The following SUFU variants were observed in gnomAD, a reference collection of about 807,000 sequenced individuals.
SUFU encodes SUFU negative regulator of hedgehog signaling.
SUFU carries 7 observed loss-of-function variants against 58.9 expected under a neutral mutation model. The observed-to-expected ratio is 0.12, with a 90% CI of 0.07 to 0.22. SUFU has a LOEUF of 0.22. SUFU is among the 10% of genes least tolerant of loss of function. The probability of loss-of-function intolerance (pLI) is 1.00; values close to 1 mark genes in which losing one functional copy is unlikely to be tolerated. For synonymous variants in SUFU, 232 were observed against 254.8 expected (o/e 0.91, Z 0.85); for missense variants, 451 against 641.3 (o/e 0.70, Z 3.20).
In SUFU at chr10:102,619,777, G is replaced by T. The variant is rs983201174; in HGVS notation, c.1296+2349G>T. On this transcript the variant is annotated intron_variant, in intron 10 of 11. Transcript: ENST00000369902. This position sits in a 1 kb window ranked among gnomAD's most constrained non-coding sequence, Gnocchi z 4.2. ...GTGGTCACAGGCAGCTCCCTTGCTT[G>T]TGGGAACCTGGGCTTGTAATTACTT... Among the ~76,000 whole-genome samples, 2 of 152,188 alleles carry T rather than the reference G, an allele frequency of 1.3e-5. No homozygotes were observed. The highest frequency in any genetic ancestry group is 4.8e-5 in the African/African-American group (2 of 41,452).
At chr10:102,559,668 A>G (rs760006811) in intron 3 of SUFU, among the ~76,000 whole-genome samples, 2 of 151,892 alleles carry the variant, frequency 1.3e-5, no homozygotes, top group African/African-American at 2.4e-5. Flanking sequence ...TTCTTTTCAG[A>G]TTGCCAGTTA....
At chr10:102,586,929 G>C (rs1381529658) in intron 3 of SUFU, among the ~76,000 whole-genome samples, 5 of 152,134 alleles carry the variant, frequency 3.3e-5, no homozygotes, top group African/African-American at 1.2e-4. Flanking sequence ...CCTACCCTAG[G>C]TACTTCATGT....
intron 3 of SUFU, among the ~76,000 whole-genome samples, chr10:102,588,332 G>T (rs921154670): frequency 6.6e-6 from 1 of 150,928 alleles, no homozygotes; most frequent in African/African-American, 2.4e-5. Context: ...GGTGGAGTTG[G>T]CAGTGAGCCG....
At chr10:102,593,892 CCT>C in intron 5 of SUFU, 99 bp from the exon 6 acceptor site, 1 of 1,470,692 alleles carries the variant, frequency 6.8e-7, no homozygotes, top group Non-Finnish European at 9.5e-7. Context: ...GAACTATTCC[CCT>C]GTGTCCTAGG....
chr10:102,569,239 A>G (rs2063137172), intron 3 of SUFU, among the ~76,000 whole-genome samples: 1 of 151,988 alleles, frequency 6.6e-6, no homozygotes, highest in South Asian at 2.1e-4. Flanking sequence ...AGGTGATTCC[A>G]CTAGGCAGGG....
chr10:102,515,133 A>G (rs961827035), intron 2 of SUFU, among the ~76,000 whole-genome samples: 1 of 152,014 alleles, frequency 6.6e-6, no homozygotes, highest in Non-Finnish European at 1.5e-5. Context: ...GGCTGCCTCC[A>G]CCCGGTTGGT....
At chr10:102,546,572 A>G (rs1200246366) in intron 2 of SUFU, among the ~76,000 whole-genome samples, 1 of 152,204 alleles carries the variant, frequency 6.6e-6, no homozygotes, top group Non-Finnish European at 1.5e-5. Flanking sequence ...TTCAGACAAA[A>G]CCACTTTGGC....
chr10:102,589,367 A>G (rs904535251), intron 3 of SUFU, among the ~76,000 whole-genome samples: 2 of 150,628 alleles, frequency 1.3e-5, no homozygotes, highest in African/African-American at 2.4e-5. Flanking sequence ...GGTTTTCTGT[A>G]TACAATATCA....
chr10:102,615,319 T>C lies in SUFU; in HGVS notation c.1074T>C (p.His358=). The C allele has an allele frequency of 6.2e-7, 1 of 1,614,180 alleles. No individual in the cohort carries two copies. Among genetic ancestry groups the C allele is most frequent in the Non-Finnish European group, 8.5e-7 (1 of 1,180,030 alleles). ...ACAGCTCCACGGCCATCATTCCCCA[T>C]GAGCTGATTCGCACGCGGCAGCTTG... ...ESDSSTAIIP[H]ELIRTRQLES... The change falls in exon 9 of 12, where the codon CAT becomes CAC. Residue 358 remains histidine (H), a synonymous_variant. Transcript: ENST00000369902.
At chr10:102,522,584 C>A (rs1024075416) in intron 2 of SUFU, among the ~76,000 whole-genome samples, 6 of 152,176 alleles carry the variant, frequency 3.9e-5, no homozygotes, top group Admixed American at 3.9e-4. Context: ...TTGCCTGAAA[C>A]AAATGGGCTA....
intron 3 of SUFU, among the ~76,000 whole-genome samples, chr10:102,588,943 G>A (rs1201635351): frequency 6.6e-6 from 1 of 151,566 alleles, no homozygotes; most frequent in Non-Finnish European, 1.5e-5. Flanking sequence ...ATTTTTTTGA[G>A]ACACAGTCTC....
At chr10:102,559,063 T>G (rs745640683) in intron 3 of SUFU, among the ~76,000 whole-genome samples, 12 of 152,220 alleles carry the variant, frequency 7.9e-5, no homozygotes, top group Non-Finnish European at 1.5e-4. Context: ...TGGCTTGTCT[T>G]TTTAAATTGG....
chr10:102,573,678 A>G (rs2063184810), intron 3 of SUFU, among the ~76,000 whole-genome samples: 1 of 152,374 alleles, frequency 6.6e-6, no homozygotes, highest in Non-Finnish European at 1.5e-5. Context: ...GCTGCAGGCT[A>G]CAACATGGAT....
At chr10:102,504,454 G>T in intron 1 of SUFU, 120 bp downstream of exon 1, 2 of 1,523,564 alleles carry the variant, frequency 1.3e-6, no homozygotes, top group East Asian at 2.5e-5. Context: ...CACTCAGAAG[G>T]AGGGCTTCTT....
intron 3 of SUFU, among the ~76,000 whole-genome samples, chr10:102,555,886 G>A (rs1051761762): frequency 1.3e-5 from 2 of 152,202 alleles, no homozygotes; most frequent in African/African-American, 4.8e-5. Flanking sequence ...TATGTTTGAT[G>A]TGTACACAGA....
intron 3 of SUFU, chr10:102,572,621 C>T: frequency 2.2e-6 from 1 of 453,542 alleles, no homozygotes; most frequent in Non-Finnish European, 4.1e-6. Context: ...AACCCCTGAC[C>T]TCGTGATCCA....
At chr10:102,605,004 T>A (rs2063549537) in intron 8 of SUFU, among the ~76,000 whole-genome samples, 1 of 149,948 alleles carries the variant, frequency 6.7e-6, no homozygotes, top group Non-Finnish European at 1.5e-5. Flanking sequence ...CAATCTCGGC[T>A]TACTGCAACC....
At position 102,617,747 on chromosome 10, in the gene SUFU, G is replaced by T; in HGVS notation, c.1296+319G>T. 1 of 559,528 alleles carries T rather than the reference G, an allele frequency of 1.8e-6. No individual in the cohort carries two copies. The allele number at this position is 559,528 out of a possible 1,614,324, so 34.7% of individuals were successfully genotyped here. A position where few individuals can be genotyped will look rare whatever the true frequency, so the allele number is the denominator to read the frequency against. ...GGGATATAAGACTTTCTGCACCTTG[G>T]GTAAACCAAGGTACAAGAACTCAAG... On this transcript the variant is annotated intron_variant, in intron 10 of 11. Transcript: ENST00000369902. The surrounding 1 kb of genome is among the most constrained non-coding windows in gnomAD (Gnocchi z 4.4).
chr10:102,512,574 T>C (rs1044848473), intron 2 of SUFU, among the ~76,000 whole-genome samples: 8 of 152,270 alleles, frequency 5.3e-5, no homozygotes, highest in African/African-American at 1.9e-4. Context: ...TACTATCCTC[T>C]TACATGTGTT....
Sources: allele counts gnomAD v4.1 joint callset (sites outside exome capture counted in the v4.1 genomes callset), GRCh38; gene constraint gnomAD v4.1.1; non-coding constraint Gnocchi (gnomAD v3.1); transcripts MANE v1.5; gene names NCBI Gene and HGNC (gene_info 2026-07-23, HGNC 2026-07-21).